The following SORCS1 variants were observed in gnomAD, a reference collection of about 807,000 sequenced individuals.
SORCS1 encodes the protein VPS10 domain-containing receptor SorCS1.
In SORCS1, 60 loss-of-function variants were observed where a neutral mutation model predicts 146.1. The observed-to-expected ratio is 0.41, with a 90% CI of 0.33 to 0.51. The LOEUF (loss-of-function observed/expected upper bound fraction) is 0.51. Among genes scored for constraint, SORCS1 ranks in the 20% least tolerant of loss-of-function variants. The pLI is 0.21. For missense variants in SORCS1, 1,352 were observed against 1,487.6 expected, an observed-to-expected ratio of 0.91 and a Z score of 1.50; for synonymous variants, 637 against 584.0, an observed-to-expected ratio of 1.09 and a Z score of -1.31.
chr10:107,118,631 C>A (rs1056545205), intron 1 of SORCS1, among the ~76,000 whole-genome samples: 2 of 152,162 alleles, frequency 1.3e-5, no homozygotes, highest in Non-Finnish European at 2.9e-5. Context: ...GGTGACTATA[C>A]AGATGAATTG....
intron 9 of SORCS1, among the ~76,000 whole-genome samples, chr10:106,693,238 T>C (rs1853433961): frequency 6.6e-6 from 1 of 152,220 alleles, no homozygotes; most frequent in African/African-American, 2.4e-5. Context: ...CATGAACTTG[T>C]GAATCTTTGC....
intron 1 of SORCS1, among the ~76,000 whole-genome samples, chr10:107,132,115 G>T (rs1423364369): frequency 6.6e-6 from 1 of 152,140 alleles, no homozygotes; most frequent in Non-Finnish European, 1.5e-5. Flanking sequence ...TCGAATACAG[G>T]TCAATTTCTC....
At chr10:107,155,161 T>G (rs2134865725) in intron 1 of SORCS1, among the ~76,000 whole-genome samples, 1 of 152,310 alleles carries the variant, frequency 6.6e-6, no homozygotes, top group South Asian at 2.1e-4. Context: ...TTATAGAGCC[T>G]TACATTCCAA....
intron 2 of SORCS1, among the ~76,000 whole-genome samples, chr10:106,939,089 A>G (rs1953899617): frequency 6.6e-6 from 1 of 152,194 alleles, no homozygotes; most frequent in Non-Finnish European, 1.5e-5. Flanking sequence ...GGAGAAGGGC[A>G]ATACCAAATT....
intron 2 of SORCS1, among the ~76,000 whole-genome samples, chr10:106,890,487 T>A (rs1951186208): frequency 6.6e-6 from 1 of 152,148 alleles, no homozygotes; most frequent in Admixed American, 6.6e-5. Flanking sequence ...AAGGTCTATA[T>A]AATTAAAATG....
intron 5 of SORCS1, among the ~76,000 whole-genome samples, chr10:106,756,506 A>G (rs1165347729): frequency 2.0e-5 from 3 of 152,180 alleles, no homozygotes; most frequent in Admixed American, 2.0e-4. Flanking sequence ...GCCTCCCAAT[A>G]TAATTGATTT....
intron 2 of SORCS1, among the ~76,000 whole-genome samples, chr10:106,942,857 T>A (rs1394453244): frequency 1.3e-5 from 2 of 152,256 alleles, no homozygotes. Context: ...CAGTCTCTTT[T>A]CACTGATTTC....
intron 1 of SORCS1, among the ~76,000 whole-genome samples, chr10:107,103,181 TA>T (rs1434085541): frequency 2.0e-5 from 3 of 152,198 alleles, no homozygotes; most frequent in African/African-American, 7.2e-5. Context: ...CATTTTTATT[TA>T]AACTTATCAC....
chr10:107,119,744 A>G (rs988068794), intron 1 of SORCS1, among the ~76,000 whole-genome samples: 1 of 152,202 alleles, frequency 6.6e-6, no homozygotes, highest in Non-Finnish European at 1.5e-5. Flanking sequence ...GTCTTCTAAT[A>G]ACCTATAGAA....
chr10:107,070,850 T>A (rs1279015536), intron 1 of SORCS1, among the ~76,000 whole-genome samples: 3 of 152,062 alleles, frequency 2.0e-5, no homozygotes, highest in Non-Finnish European at 4.4e-5. Context: ...CATATATATA[T>A]AATTCTCCTG....
At chr10:106,997,030 A>C (rs1458705487) in intron 1 of SORCS1, among the ~76,000 whole-genome samples, 6 of 145,906 alleles carry the variant, frequency 4.1e-5, no homozygotes, top group African/African-American at 1.5e-4. Flanking sequence ...ATTCTCTTTA[A>C]CATCCTTTTT....
At chr10:106,617,283 TCCTC>T (rs1847436249) in intron 21 of SORCS1, among the ~76,000 whole-genome samples, 2 of 151,818 alleles carry the variant, frequency 1.3e-5, no homozygotes, top group Non-Finnish European at 2.9e-5. Flanking sequence ...CCTCCTTCCT[TCCTC>T]CCTCCTTCTG....
intron 1 of SORCS1, among the ~76,000 whole-genome samples, chr10:107,027,091 C>CATAT (rs148866843): frequency 4.1e-5 from 6 of 145,302 alleles, no homozygotes; most frequent in African/African-American, 1.5e-4. Flanking sequence ...CATATATATA[C>CATAT]ATATATATAT....
chr10:106,824,147 T>A (rs1434835778), intron 3 of SORCS1, among the ~76,000 whole-genome samples: 2 of 151,186 alleles, frequency 1.3e-5, no homozygotes, highest in African/African-American at 4.9e-5. Flanking sequence ...CTACCAAAAG[T>A]ACAAAAATTA....
At chr10:107,011,464 C>G (rs746366859) in intron 1 of SORCS1, among the ~76,000 whole-genome samples, 1 of 152,228 alleles carries the variant, frequency 6.6e-6, no homozygotes, top group Admixed American at 6.5e-5. Context: ...CTCTCCTTCT[C>G]TTGTAAATGC....
chr10:106,606,072 A>C (rs1846554150), intron 23 of SORCS1, among the ~76,000 whole-genome samples: 1 of 152,126 alleles, frequency 6.6e-6, no homozygotes, highest in Non-Finnish European at 1.5e-5. Flanking sequence ...AGAACTGATA[A>C]ATCAAAATCA....
chr10:106,971,358 C>A (rs1955779320), intron 1 of SORCS1, among the ~76,000 whole-genome samples: 1 of 152,256 alleles, frequency 6.6e-6, no homozygotes, highest in East Asian at 1.9e-4. Flanking sequence ...TGTGGATCGT[C>A]TGACTGAATG....
intron 22 of SORCS1, among the ~76,000 whole-genome samples, chr10:106,608,779 G>A (rs958665867): frequency 6.6e-6 from 1 of 152,148 alleles, no homozygotes; most frequent in African/African-American, 2.4e-5. Flanking sequence ...TGGGAGCAAA[G>A]GGAAGGAAAC....
intron 1 of SORCS1, among the ~76,000 whole-genome samples, chr10:106,985,395 A>T (rs1956422997): frequency 6.6e-6 from 1 of 152,140 alleles, no homozygotes; most frequent in South Asian, 2.1e-4. Flanking sequence ...TATGCTACAT[A>T]GAAAACCCAG....
Sources: gnomAD v4.1 joint callset for allele counts (sites outside exome capture counted in the v4.1 genomes callset) on GRCh38, gnomAD v4.1.1 for gene constraint, MANE v1.5 for transcripts, NCBI Gene and HGNC (gene_info 2026-07-23, HGNC 2026-07-21) for gene names.